PTPRG: variants seen among roughly 807,000 people sequenced by gnomAD.
PTPRG encodes receptor-type tyrosine-protein phosphatase gamma.
In PTPRG, 102 loss-of-function variants were observed where a neutral mutation model predicts 165.3. The observed-to-expected ratio is 0.62, with a 90% confidence interval of 0.53 to 0.73. The LOEUF is 0.73. Among genes scored for constraint, PTPRG ranks in the 30% least tolerant of loss-of-function variants. The pLI is 0.00. For synonymous variants in PTPRG, 675 were observed against 669.5 expected (o/e 1.01, Z -0.13); for missense variants, 1,866 against 1,861.4 (o/e 1.00, Z -0.05).
At chr3:62,211,677 A>G (rs1014585395) in intron 12 of PTPRG, among the ~76,000 whole-genome samples, 2 of 152,176 alleles carry the variant, frequency 1.3e-5, no homozygotes, top group African/African-American at 4.8e-5. Flanking sequence ...TTGCAAATTA[A>G]AGAATCTTGC....
In PTPRG at chr3:62,278,439, A is replaced by G. The variant is rs558907639; in HGVS notation, c.3765+760A>G. ...ACTATACAGAAGGGTGAGCAAGTTT[A>G]TAAAACAGACTTAAATGTTTCTGCT... On this transcript the variant is annotated intron_variant, in intron 26 of 29. Coordinates refer to ENST00000474889, the MANE Select transcript of PTPRG (RefSeq NM_002841.4). 1.7e-3 allele frequency among the ~76,000 whole-genome samples: 253 copies of G among 152,200 alleles called. 2 individuals are homozygous for G. Among genetic ancestry groups the G allele is most frequent in the African/African-American group, 5.9e-3 (246 of 41,540 alleles).
chr3:62,122,101 A>G (rs1331177151), intron 5 of PTPRG, among the ~76,000 whole-genome samples: 3 of 152,150 alleles, frequency 2.0e-5, no homozygotes, highest in Admixed American at 2.0e-4. Flanking sequence ...GTGGATTTTG[A>G]GATGTTTGTC....
At position 61,891,450 on chromosome 3, in the gene PTPRG, T is replaced by G. The variant is rs542041667; in HGVS notation, c.191-98175T>G. Among the ~76,000 whole-genome samples, 75 of 152,376 alleles carry G rather than the reference T, an allele frequency of 4.9e-4. 1 individual carries two copies. In the Middle Eastern group the frequency reaches 0.01, roughly 21 times the overall value. ...AAAGACAATGTGGAGATTTTCTATG[T>G]GTAAACCATTTAATTTTAGTCTGTT... On this transcript the variant is annotated intron_variant, in intron 2 of 29. Coordinates refer to ENST00000474889, the MANE Select transcript of PTPRG (RefSeq NM_002841.4).
intron 29 of PTPRG, 29 bp downstream of exon 29, chr3:62,292,585 G>A: frequency 6.2e-7 from 1 of 1,605,476 alleles, no homozygotes; most frequent in East Asian, 2.2e-5. Context: ...TGTAAAACCT[G>A]TACTACATCA....
intron 2 of PTPRG, among the ~76,000 whole-genome samples, chr3:61,885,642 C>A (rs1337487257): frequency 6.9e-6 from 1 of 145,220 alleles, no homozygotes; most frequent in Non-Finnish European, 1.5e-5. Flanking sequence ...CATTTATAGA[C>A]TCACTCTTTT....
chr3:62,228,104 G>C lies in PTPRG; in HGVS notation c.2289-3121G>C, dbSNP rs1436787861. On this transcript the variant is annotated intron_variant, in intron 13 of 29. Coordinates refer to ENST00000474889, the MANE Select transcript of PTPRG (RefSeq NM_002841.4). This position sits in a 1 kb window ranked among gnomAD's most constrained non-coding sequence, Gnocchi z 4.1. The stretch of plus-strand genomic sequence containing the variant: ...TTTTGCATTCCCCTGGGTTGCAATA[G>C]TGATCAAGGAAAATAGTGTGTTCTG... 6.6e-6 allele frequency among the ~76,000 whole-genome samples: 1 copy of C among 152,104 alleles called. No individual in the cohort carries two copies. The highest frequency in any genetic ancestry group is 2.4e-5 in the African/African-American group (1 of 41,410).
intron 2 of PTPRG, among the ~76,000 whole-genome samples, chr3:61,863,520 C>T (rs2037328931): frequency 6.6e-6 from 1 of 152,218 alleles, no homozygotes; most frequent in African/African-American, 2.4e-5. Context: ...CTGGCCTTCT[C>T]TCAGATGTCA....
At chr3:61,599,244 G>A (rs1700782258) in intron 1 of PTPRG, among the ~76,000 whole-genome samples, 1 of 152,082 alleles carries the variant, frequency 6.6e-6, no homozygotes, top group South Asian at 2.1e-4. Context: ...CCGCCTCCCA[G>A]GTTCAAGCGA....
intron 4 of PTPRG, among the ~76,000 whole-genome samples, chr3:62,069,588 G>C: frequency 6.6e-6 from 1 of 151,554 alleles, no homozygotes. Flanking sequence ...ATGATTTTAG[G>C]GGGTGTATTA....
At chr3:62,191,299 A>T (rs74949181) in intron 8 of PTPRG, among the ~76,000 whole-genome samples, 170 bp from the exon 9 acceptor site, 11,988 of 152,006 alleles carry the variant, frequency 0.079, 774 homozygotes, top group East Asian at 0.34. Context: ...AGGGAGAACA[A>T]TGTTCTCCCT....
intron 2 of PTPRG, among the ~76,000 whole-genome samples, chr3:61,778,994 A>G (rs1163523806): frequency 6.6e-6 from 1 of 152,190 alleles, no homozygotes; most frequent in Non-Finnish European, 1.5e-5. Flanking sequence ...AGAGTCATGT[A>G]GGATGCATTA....
intron 8 of PTPRG, among the ~76,000 whole-genome samples, chr3:62,189,848 C>G (rs1248331364): frequency 6.6e-6 from 1 of 152,156 alleles, no homozygotes; most frequent in East Asian, 1.9e-4. Context: ...TCAAATCTGG[C>G]CCCAAGGCTT....
chr3:61,702,845 A>G (rs1179940955), intron 1 of PTPRG, among the ~76,000 whole-genome samples: 1 of 152,226 alleles, frequency 6.6e-6, no homozygotes, highest in Admixed American at 6.5e-5. Flanking sequence ...TATTGATTAT[A>G]CAACTATACA....
intron 2 of PTPRG, among the ~76,000 whole-genome samples, chr3:61,757,767 A>T (rs1163647449): frequency 6.6e-6 from 1 of 152,250 alleles, no homozygotes; most frequent in Non-Finnish European, 1.5e-5. Context: ...CATATCTGCG[A>T]TGAATCAGAG....
chr3:61,821,461 G>T (rs930547337), intron 2 of PTPRG, among the ~76,000 whole-genome samples: 1 of 152,118 alleles, frequency 6.6e-6, no homozygotes, highest in Non-Finnish European at 1.5e-5. Flanking sequence ...GAGCCACCGC[G>T]CACTGCCGTC....
rs1039007660 is a variant in PTPRG, at chr3:61,753,506, C to A, written c.190+4524C>A. ...ATTATTGCACAAAGAGTAACACATGCTAGGCAGGTCATCAATGCAGGAAAG... is the reference window on the plus strand; with the variant it reads ...ATTATTGCACAAAGAGTAACACATGATAGGCAGGTCATCAATGCAGGAAAG... On this transcript the variant is annotated intron_variant, in intron 2 of 29. Coordinates refer to ENST00000474889, the MANE Select transcript of PTPRG (RefSeq NM_002841.4). 7.5e-6 allele frequency: 3 copies of A among 401,560 alleles called. No homozygotes were observed. The East Asian group carries it at 2.2e-4, about 29-fold the overall frequency. The allele number at this position is 401,560 out of a possible 1,614,324, so 24.9% of individuals were successfully genotyped here.
At chr3:62,173,502 A>G (rs1705299728) in intron 8 of PTPRG, among the ~76,000 whole-genome samples, 1 of 152,200 alleles carries the variant, frequency 6.6e-6, no homozygotes, top group African/African-American at 2.4e-5. Context: ...ACTGAGTTGG[A>G]GAACCCTAAA....
At chr3:62,265,586 C>A (rs1017699878) in intron 17 of PTPRG, among the ~76,000 whole-genome samples, 1 of 151,890 alleles carries the variant, frequency 6.6e-6, no homozygotes, top group Non-Finnish European at 1.5e-5. Context: ...ACAAAAACTC[C>A]AAGTTACTTT....
intron 2 of PTPRG, among the ~76,000 whole-genome samples, chr3:61,824,674 G>A (rs1437067295): frequency 6.6e-6 from 1 of 152,158 alleles, no homozygotes; most frequent in African/African-American, 2.4e-5. Flanking sequence ...GGTGGCACAT[G>A]CCTGTACTCA....
Sources: allele counts gnomAD v4.1 joint callset (sites outside exome capture counted in the v4.1 genomes callset), GRCh38; gene constraint gnomAD v4.1.1; non-coding constraint Gnocchi (gnomAD v3.1); transcripts MANE v1.5; gene names NCBI Gene and HGNC (gene_info 2026-07-23, HGNC 2026-07-21).